Variants in CNTN5 observed in about 807,000 individuals in gnomAD.
CNTN5 encodes contactin-5.
In CNTN5, 77 loss-of-function variants were observed where a neutral mutation model predicts 129.1. The ratio of observed to expected loss-of-function variants is 0.60; its 90% CI spans 0.50 to 0.72. The LOEUF (loss-of-function observed/expected upper bound fraction) is 0.72, where lower values mean the gene tolerates loss of function less well. Ranked by LOEUF, CNTN5 falls within the 30% of genes least tolerant of loss-of-function variation. CNTN5 has a pLI of 0.00. For missense variants in CNTN5, 1,478 were observed against 1,328.8 expected, an observed-to-expected ratio of 1.11 and a Z score of -1.75; for synonymous variants, 509 against 465.6, an observed-to-expected ratio of 1.09 and a Z score of -1.20.
At chr11:99,079,421 A>G (rs1254074082) in intron 1 of CNTN5, among the ~76,000 whole-genome samples, 1 of 152,196 alleles carries the variant, frequency 6.6e-6, no homozygotes, top group Non-Finnish European at 1.5e-5. Flanking sequence ...AAAAAAGTGG[A>G]GTAGCATGTA....
intron 8 of CNTN5, among the ~76,000 whole-genome samples, chr11:99,966,133 AT>A (rs1238643239): frequency 6.6e-6 from 1 of 152,184 alleles, no homozygotes; most frequent in East Asian, 1.9e-4. Flanking sequence ...GCTAAAAAAA[AT>A]CATTTCAAGA....
chr11:99,923,539 A>T (rs1238618849), intron 7 of CNTN5, among the ~76,000 whole-genome samples: 1 of 152,192 alleles, frequency 6.6e-6, no homozygotes, highest in Admixed American at 6.6e-5. Context: ...TATGTACAGA[A>T]ATATTCAAAA....
chr11:99,834,760 G>A (rs1947250840), intron 4 of CNTN5, among the ~76,000 whole-genome samples: 1 of 152,038 alleles, frequency 6.6e-6, no homozygotes, highest in East Asian at 1.9e-4. Context: ...TAAGATAGAT[G>A]GGGTTACTAC....
At chr11:99,824,312 G>C (rs1460005840) in intron 4 of CNTN5, among the ~76,000 whole-genome samples, 1 of 151,916 alleles carries the variant, frequency 6.6e-6, no homozygotes, top group Non-Finnish European at 1.5e-5. Context: ...AATCTCTTGA[G>C]TATAGTATAC....
chr11:99,139,983 C>T (rs981676705), intron 1 of CNTN5, among the ~76,000 whole-genome samples: 1 of 152,014 alleles, frequency 6.6e-6, no homozygotes, highest in African/African-American at 2.4e-5. Context: ...CTCATGATCT[C>T]CAAGCTTATT....
intron 3 of CNTN5, among the ~76,000 whole-genome samples, chr11:99,749,904 AT>A (rs1944176120): frequency 6.6e-6 from 1 of 152,058 alleles, no homozygotes; most frequent in Non-Finnish European, 1.5e-5. Context: ...GCTACTACTA[AT>A]TTTTTCCCTT....
At chr11:99,258,831 G>T (rs1862498652) in intron 1 of CNTN5, among the ~76,000 whole-genome samples, 1 of 151,724 alleles carries the variant, frequency 6.6e-6, no homozygotes, top group Non-Finnish European at 1.5e-5. Flanking sequence ...TAGGAAAATA[G>T]GACAGACACT....
At chr11:99,075,402 A>C (rs1286894529) in intron 1 of CNTN5, among the ~76,000 whole-genome samples, 1 of 152,200 alleles carries the variant, frequency 6.6e-6, no homozygotes, top group African/African-American at 2.4e-5. Flanking sequence ...AATCGTGTAA[A>C]TACTACTTTT....
chr11:99,057,355 T>C (rs1237620357), intron 1 of CNTN5, among the ~76,000 whole-genome samples: 2 of 152,070 alleles, frequency 1.3e-5, no homozygotes, highest in African/African-American at 4.8e-5. Flanking sequence ...ATATTAAAAG[T>C]TTGGCCTTAT....
intron 1 of CNTN5, among the ~76,000 whole-genome samples, chr11:99,176,198 C>T (rs1857763239): frequency 6.6e-6 from 1 of 152,004 alleles, no homozygotes; most frequent in African/African-American, 2.4e-5. Flanking sequence ...TTTCTTTTTT[C>T]CTACAACATG....
intron 9 of CNTN5, among the ~76,000 whole-genome samples, chr11:100,028,171 A>C (rs1941523357): frequency 6.6e-6 from 1 of 152,194 alleles, no homozygotes; most frequent in Non-Finnish European, 1.5e-5. Flanking sequence ...AGCTACAGTA[A>C]AGTACTAATT....
rs920028676 is a variant in CNTN5, at chr11:100,160,648, T to C, written c.1581-30478T>C. Among the ~76,000 whole-genome samples, 25 of 152,004 alleles carry C rather than the reference T, an allele frequency of 1.6e-4. 1 individual carries two copies. Among genetic ancestry groups the C allele is most frequent in the Admixed American group, 1.4e-3 (22 of 15,240 alleles). On this transcript the variant is annotated intron_variant, in intron 13 of 24. Transcript: ENST00000524871. ...TCTCCAAAATCACAAAAGAGTTACTTTGTGCACACTCAAGTTACTTCTACT... is the reference window on the plus strand; with the variant it reads ...TCTCCAAAATCACAAAAGAGTTACTCTGTGCACACTCAAGTTACTTCTACT...
chr11:99,742,007 T>A (rs898916090), intron 3 of CNTN5, among the ~76,000 whole-genome samples: 4 of 152,074 alleles, frequency 2.6e-5, no homozygotes, highest in African/African-American at 7.2e-5. Context: ...AAAATCAGAT[T>A]TTTCAACACT....
intron 3 of CNTN5, among the ~76,000 whole-genome samples, chr11:99,611,245 T>C (rs1950584450): frequency 1.3e-5 from 2 of 152,252 alleles, no homozygotes; most frequent in Admixed American, 6.5e-5. Context: ...AATAACTACA[T>C]CAAAAGAATA....
At chr11:99,719,032 A>G (rs1943078471) in intron 3 of CNTN5, among the ~76,000 whole-genome samples, 2 of 152,120 alleles carry the variant, frequency 1.3e-5, no homozygotes, top group Admixed American at 6.6e-5. Context: ...TAAGACCATA[A>G]CAGAGAGCGG....
At chr11:99,775,688 CTATGTA>C (rs1945099816) in intron 3 of CNTN5, among the ~76,000 whole-genome samples, 1 of 151,900 alleles carries the variant, frequency 6.6e-6, no homozygotes. Flanking sequence ...TGCTCTCTCT[CTATGTA>C]TATTTACCTC....
chr11:99,597,882 T>C (rs1950173394), intron 3 of CNTN5, among the ~76,000 whole-genome samples: 1 of 152,180 alleles, frequency 6.6e-6, no homozygotes, highest in Non-Finnish European at 1.5e-5. Flanking sequence ...GGCAAGCTTA[T>C]GAATGCCATA....
At chr11:99,442,136 G>T (rs554843336) in intron 2 of CNTN5, among the ~76,000 whole-genome samples, 20 of 152,194 alleles carry the variant, frequency 1.3e-4, no homozygotes, top group Middle Eastern at 6.8e-3. Context: ...TCCATGGAAA[G>T]TACTGGACTC....
chr11:100,137,271 C>A (rs966891868), intron 13 of CNTN5, among the ~76,000 whole-genome samples: 3 of 151,958 alleles, frequency 2.0e-5, no homozygotes, highest in Non-Finnish European at 4.4e-5. Context: ...ATATAGGAGG[C>A]TTATAATGTG....
Sources: gnomAD v4.1 joint callset for allele counts (sites outside exome capture counted in the v4.1 genomes callset) on GRCh38, gnomAD v4.1.1 for gene constraint, MANE v1.5 for transcripts, NCBI Gene and HGNC (gene_info 2026-07-23, HGNC 2026-07-21) for gene names.